The following UGT1A9 variants were observed in gnomAD, a reference collection of about 807,000 sequenced individuals.
UGT1A9 encodes the protein UDP-glucuronosyltransferase 1A9.
A neutral mutation model predicts 45.0 loss-of-function variants in UGT1A9; 35 were observed. That is an observed-to-expected ratio of 0.78 (90% CI 0.59 to 1.03). The LOEUF (loss-of-function observed/expected upper bound fraction) is 1.03. Among genes scored for constraint, UGT1A9 ranks in the 50% least tolerant of loss-of-function variants. UGT1A9 has a pLI of 0.00. For missense variants in UGT1A9, 687 were observed against 666.6 expected (o/e 1.03, Z -0.34); for synonymous variants, 278 against 250.6 (o/e 1.11, Z -1.03).
intron 1 of UGT1A9, chr2:233,729,928 C>T (rs1300778584): frequency 1.2e-6 from 2 of 1,613,898 alleles, no homozygotes; most frequent in Non-Finnish European, 1.7e-6. Flanking sequence ...CTACCCCAGG[C>T]CAATCATGCC....
At chr2:233,736,366 C>A (rs985371581) in intron 1 of UGT1A9, among the ~76,000 whole-genome samples, 1 of 152,198 alleles carries the variant, frequency 6.6e-6, no homozygotes, top group African/African-American at 2.4e-5. Context: ...TCCATCAGGT[C>A]ATTTAAGGTC....
rs767124144 is a variant in UGT1A9, at chr2:233,672,270, A to G, written c.336A>G (p.Ser112=). 6 of 1,614,000 alleles carry G rather than the reference A, an allele frequency of 3.7e-6. No individual in the cohort carries two copies. In the African/African-American group the frequency reaches 8.0e-5, roughly 22 times the overall value. Residue 112 remains serine (S), a synonymous_variant, in exon 1 of 5, where the codon TCA becomes TCG. Coordinates refer to ENST00000354728, the MANE Select transcript of UGT1A9 (RefSeq NM_021027.3). ...GTATATATTCTCTATTAATGGGTTC[A>G]TACAATGACATTTTTGACTTATTTT... ...VRSIYSLLMG[S]YNDIFDLFFS...
chr2:233,766,910 T>C (rs960990875), intron 1 of UGT1A9, 124 bp from the exon 2 acceptor site: 6 of 1,519,286 alleles, frequency 3.9e-6, no homozygotes, highest in East Asian at 2.3e-5. Context: ...TTTTTTACTC[T>C]ATCTCAAACA....
In UGT1A9 at chr2:233,719,204, T is replaced by C. The variant is rs147848546; in HGVS notation, c.855+46415T>C. 63 of 1,614,240 alleles carry C rather than the reference T, an allele frequency of 3.9e-5. No homozygotes were observed. The African/African-American group carries it at 7.3e-4, about 19-fold the overall frequency. ...TATCTTTGGCCCTTCATAGGTGTTG[T>C]GTGGAGCTACTGCATAATGAGGCCC... is the stretch of plus-strand genomic sequence containing the variant. On this transcript the variant is annotated intron_variant, in intron 1 of 4. Transcript: ENST00000354728.
chr2:233,708,950 T>G (rs566854735), intron 1 of UGT1A9, among the ~76,000 whole-genome samples: 79 of 152,176 alleles, frequency 5.2e-4, no homozygotes, highest in Non-Finnish European at 9.3e-4. Context: ...AGAACCCATT[T>G]ATATGTTTCC....
At chr2:233,762,916 A>C (rs1698195607) in intron 1 of UGT1A9, among the ~76,000 whole-genome samples, 2 of 152,252 alleles carry the variant, frequency 1.3e-5, no homozygotes, top group African/African-American at 4.8e-5. Flanking sequence ...TATTGAATTT[A>C]TTAGAATCTC....
At chr2:233,748,007 C>T (rs1468299644) in intron 1 of UGT1A9, 2 of 1,613,408 alleles carry the variant, frequency 1.2e-6, no homozygotes, top group Admixed American at 1.7e-5. Context: ...TGATGGATTA[C>T]CCCAGGCCGA....
intron 1 of UGT1A9, chr2:233,761,266 C>T: frequency 1.3e-6 from 2 of 1,594,552 alleles, no homozygotes; most frequent in South Asian, 1.1e-5. Context: ...ATTTAAAATG[C>T]CCTCTTTTGT....
chr2:233,752,739 T>C (rs1241633720), intron 1 of UGT1A9, among the ~76,000 whole-genome samples: 1 of 152,224 alleles, frequency 6.6e-6, no homozygotes, highest in East Asian at 1.9e-4. Context: ...AGAGAGACCC[T>C]GTCTCTAAAA....
At chr2:233,724,735 G>C (rs978889272) in intron 1 of UGT1A9, among the ~76,000 whole-genome samples, 4 of 144,116 alleles carry the variant, frequency 2.8e-5, no homozygotes, top group Non-Finnish European at 4.5e-5. Flanking sequence ...AGGCAGAGGG[G>C]CTCCTCACAT....
rs757417206 is a variant in UGT1A9, at chr2:233,772,349, T to C, written c.1383T>C (p.Phe461=). Residue 461 remains phenylalanine (F), a synonymous_variant, in exon 5 of 5, where the codon TTT becomes TTC. Coordinates refer to ENST00000354728, the MANE Select transcript of UGT1A9 (RefSeq NM_021027.3). ...ACCTGGCCGTGTTCTGGGTGGAGTT[T>C]GTGATGAGGCACAAGGGCGCGCCAC... ...PLDLAVFWVE[F]VMRHKGAPHL... is the part of the protein sequence containing the mutation. 2 of 1,614,272 alleles carry C rather than the reference T, an allele frequency of 1.2e-6. No individual in the cohort carries two copies. The highest frequency in any genetic ancestry group is 1.7e-5 in the Admixed American group (1 of 60,034).
intron 1 of UGT1A9, chr2:233,713,887 T>G (rs1373894337): frequency 1.9e-6 from 3 of 1,613,356 alleles, no homozygotes; most frequent in Non-Finnish European, 2.5e-6. Context: ...ATCCAATCAA[T>G]GTTCCAGGCA....
chr2:233,711,841 A>G (rs2076200002), intron 1 of UGT1A9, among the ~76,000 whole-genome samples: 1 of 152,206 alleles, frequency 6.6e-6, no homozygotes, highest in Non-Finnish European at 1.5e-5. Flanking sequence ...AGGCGTCAGC[A>G]ATCTTGCCAA....
chr2:233,767,748 T>A (rs2126034446), intron 2 of UGT1A9, 101 bp from the exon 3 acceptor site: 2 of 1,587,100 alleles, frequency 1.3e-6, no homozygotes, highest in East Asian at 4.5e-5. Context: ...TGTTAAAGAC[T>A]GTTCCTTCAG....
intron 1 of UGT1A9, chr2:233,691,654 TC>T: frequency 1.0e-6 from 1 of 984,858 alleles, no homozygotes; most frequent in Non-Finnish European, 1.2e-6. Flanking sequence ...AGTGTGACCC[TC>T]CCTTTCTGGG....
chr2:233,729,225 G>A (rs376743890), intron 1 of UGT1A9: 6 of 1,614,040 alleles, frequency 3.7e-6, no homozygotes, highest in Admixed American at 1.7e-5. Context: ...AGGTGTTGGT[G>A]GTGCCCATTG....
At chr2:233,689,975 G>A in intron 1 of UGT1A9, 1 of 455,412 alleles carries the variant, frequency 2.2e-6, no homozygotes, top group Admixed American at 2.4e-5. Flanking sequence ...GGAACCCACA[G>A]GCCCCTAAAA....
intron 1 of UGT1A9, among the ~76,000 whole-genome samples, chr2:233,756,741 C>T (rs1366742518): frequency 6.6e-6 from 1 of 152,100 alleles, no homozygotes; most frequent in Admixed American, 6.6e-5. Context: ...TTCACCTCCT[C>T]CTTATTCTCT....
chr2:233,712,131 C>T (rs1390486210), intron 1 of UGT1A9, among the ~76,000 whole-genome samples: 1 of 152,152 alleles, frequency 6.6e-6, no homozygotes, highest in Non-Finnish European at 1.5e-5. Context: ...AAGACTGGAG[C>T]CTTCAGCATT....
Sources: gnomAD v4.1 joint callset for allele counts (sites outside exome capture counted in the v4.1 genomes callset) on GRCh38, gnomAD v4.1.1 for gene constraint, MANE v1.5 for transcripts, NCBI Gene and HGNC (gene_info 2026-07-23, HGNC 2026-07-21) for gene names.